Variants in ITGA4 observed in about 807,000 individuals in gnomAD.
ITGA4 encodes integrin alpha-4.
In ITGA4, 63 loss-of-function variants were observed where a neutral mutation model predicts 133.6. That is an observed-to-expected ratio of 0.47 (90% confidence interval 0.38 to 0.58). The LOEUF (loss-of-function observed/expected upper bound fraction) is 0.58, where lower values mean the gene tolerates loss of function less well. Among genes scored for constraint, ITGA4 ranks in the 20% least tolerant of loss-of-function variants. ITGA4 has a pLI of 0.00. For synonymous variants in ITGA4, 483 were observed against 438.0 expected, an observed-to-expected ratio of 1.10 and a Z score of -1.28; for missense variants, 1,076 against 1,252.7, an observed-to-expected ratio of 0.86 and a Z score of 2.13.
chr2:181,535,344 T>C lies in ITGA4; in HGVS notation c.3004-88T>C, dbSNP rs931161672. On this transcript the variant is annotated intron_variant, in intron 27 of 27. Coordinates refer to ENST00000397033, the MANE Select transcript of ITGA4 (RefSeq NM_000885.6). The stretch of plus-strand genomic sequence containing the variant: ...AGGGATGCAGTTTAAGAAATATTGG[T>C]GTTAACTGCTTAGATATTAGAAATG... 1.4e-5 allele frequency: 14 copies of C among 975,508 alleles called. No homozygotes were observed. In the Admixed American group the frequency reaches 2.5e-4, roughly 18 times the overall value. 60.4% of individuals were successfully genotyped at this position (975,508 alleles called of 1,614,324 possible).
intron 1 of ITGA4, 98 bp downstream of exon 1, chr2:181,457,949 A>G (rs1685167975): frequency 1.1e-5 from 13 of 1,233,902 alleles, no homozygotes; most frequent in Non-Finnish European, 4.5e-6. Flanking sequence ...CCTCCCTCCC[A>G]AGGAGGCAGG....
chr2:181,460,568 TG>T (rs1685250687), intron 2 of ITGA4, among the ~76,000 whole-genome samples: 1 of 60,870 alleles, frequency 1.6e-5, no homozygotes, highest in African/African-American at 4.9e-5. Flanking sequence ...TGTAGAAGAG[TG>T]TGTGTGTGTG....
intron 14 of ITGA4, among the ~76,000 whole-genome samples, chr2:181,496,649 T>C (rs946407098): frequency 1.3e-5 from 2 of 152,232 alleles, no homozygotes; most frequent in African/African-American, 4.8e-5. Context: ...CCAAATCATG[T>C]ATATATGACT....
chr2:181,526,861 T>C (rs1686842708), intron 21 of ITGA4, among the ~76,000 whole-genome samples: 1 of 129,632 alleles, frequency 7.7e-6, no homozygotes, highest in African/African-American at 2.8e-5. Flanking sequence ...TTTAAGAGTC[T>C]CGCTCTATTG....
chr2:181,522,170 A>G (rs1386363461), intron 17 of ITGA4, 21 bp from the exon 18 acceptor site: 5 of 1,477,154 alleles, frequency 3.4e-6, no homozygotes, highest in Non-Finnish European at 4.7e-6. Flanking sequence ...CAAGAACTAA[A>G]TAATATTACT....
chr2:181,508,558 T>C, intron 15 of ITGA4, among the ~76,000 whole-genome samples: 1 of 151,916 alleles, frequency 6.6e-6, no homozygotes, highest in Non-Finnish European at 1.5e-5. Flanking sequence ...TAGCTGGATG[T>C]GGTTGTGCAT....
At chr2:181,508,154 T>G (rs538394719) in intron 15 of ITGA4, among the ~76,000 whole-genome samples, 1 of 152,054 alleles carries the variant, frequency 6.6e-6, no homozygotes, top group African/African-American at 2.4e-5. Flanking sequence ...CAATCAGTTG[T>G]AATAAACTCG....
intron 14 of ITGA4, among the ~76,000 whole-genome samples, chr2:181,496,476 C>T (rs1686161455): frequency 6.6e-6 from 1 of 152,050 alleles, no homozygotes; most frequent in African/African-American, 2.4e-5. Context: ...AGAAGCTAGA[C>T]TTGATTCTGA....
chr2:181,493,564 G>T (rs1239752357), intron 11 of ITGA4, 145 bp downstream of exon 11: 5 of 518,670 alleles, frequency 9.6e-6, no homozygotes, highest in African/African-American at 2.0e-5. Context: ...AGTGGCAAAT[G>T]ATCTTATTTT....
In ITGA4 at chr2:181,534,802, C is replaced by A. The variant is rs764688675; in HGVS notation, c.2884-14C>A. The A allele has an allele frequency of 1.3e-6, 2 of 1,528,002 alleles. No individual in the cohort carries two copies. Among genetic ancestry groups the A allele is most frequent in the Non-Finnish European group, 1.7e-6 (2 of 1,144,328 alleles). The allele number at this position is 1,528,002 out of a possible 1,614,324, so 94.7% of individuals were successfully genotyped here. A position where few individuals can be genotyped will look rare whatever the true frequency, so the allele number is the denominator to read the frequency against. Reference sequence around the variant, plus strand: ...TTTTTGGTTTTTGAGTTTTATTTTTCTTAACTCACGTAGGTTCTACTGGAA... The same window carrying A: ...TTTTTGGTTTTTGAGTTTTATTTTTATTAACTCACGTAGGTTCTACTGGAA... On this transcript the variant is annotated splice_polypyrimidine_tract_variant and intron_variant, in intron 26 of 27. Transcript: ENST00000397033.
intron 2 of ITGA4, among the ~76,000 whole-genome samples, chr2:181,465,639 T>A (rs1271320598): frequency 6.6e-6 from 1 of 152,188 alleles, no homozygotes; most frequent in African/African-American, 2.4e-5. Context: ...GTTCAGAATT[T>A]TCTTTCCTTA....
At chr2:181,509,565 T>C (rs1686462369) in intron 15 of ITGA4, 93 bp from the exon 16 acceptor site, 1 of 844,696 alleles carries the variant, frequency 1.2e-6, no homozygotes, top group Non-Finnish European at 1.8e-6. Context: ...GTCTTCCATG[T>C]ATAGTGTTTG....
Position 181,480,130 on chromosome 2 carries a change from C to G in ITGA4, c.625-7C>G. ...TTTAAATAATAATAGTTTTTTTTTTCTTACAGGATTTAATTGTGATGGGGG... is the reference window on the plus strand; with the variant it reads ...TTTAAATAATAATAGTTTTTTTTTTGTTACAGGATTTAATTGTGATGGGGG... On this transcript the variant is annotated splice_region_variant and splice_polypyrimidine_tract_variant and intron_variant, in intron 5 of 27. Coordinates refer to ENST00000397033, the MANE Select transcript of ITGA4 (RefSeq NM_000885.6). The G allele has an allele frequency of 7.0e-7, 1 of 1,436,980 alleles. No individual in the cohort carries two copies. The highest frequency in any genetic ancestry group is 1.6e-5 in the African/African-American group (1 of 63,290). 89.0% of individuals were successfully genotyped at this position (1,436,980 alleles called of 1,614,324 possible).
chr2:181,495,499 G>A lies in ITGA4; in HGVS notation c.1385+83G>A, dbSNP rs893636873. The A allele has an allele frequency of 3.0e-6, 3 of 993,838 alleles. No individual in the cohort carries two copies. The highest frequency in any genetic ancestry group is 4.8e-5 in the East Asian group (2 of 41,866). The allele number at this position is 993,838 out of a possible 1,614,324, so 61.6% of individuals were successfully genotyped here. ...GAGGTGGTGTTTAAAATCAGCAGTG[G>A]TAGTGACCTCATGATGCTCTTTTGG... On this transcript the variant is annotated intron_variant, in intron 13 of 27. Transcript: ENST00000397033. This position sits in a 1 kb window ranked among gnomAD's most constrained non-coding sequence, Gnocchi z 4.3.
At chr2:181,479,129 A>G (rs1318147806) in intron 5 of ITGA4, 1 of 196,832 alleles carries the variant, frequency 5.1e-6, no homozygotes, top group African/African-American at 2.3e-5. Flanking sequence ...TAACTTAGGT[A>G]TTGAAAATAT....
Position 181,478,773 on chromosome 2 carries a change from T to C in ITGA4, c.573T>C (p.Phe191=). Residue 191 remains phenylalanine, a synonymous_variant, in exon 5 of 28, where the codon TTT becomes TTC. Coordinates refer to ENST00000397033, the MANE Select transcript of ITGA4 (RefSeq NM_000885.6). ...APCYQDYVKK[F]GENFASCQAG... is the part of the protein sequence containing the mutation. ...TCATTTTAGATTATGTGAAAAAATT[T>C]GGAGAAAATTTTGCATCATGTCAAG... 1 of 1,469,998 alleles carries C rather than the reference T, an allele frequency of 6.8e-7. No individual in the cohort carries two copies. Among genetic ancestry groups the C allele is most frequent in the Non-Finnish European group, 9.2e-7 (1 of 1,088,190 alleles). 91.1% of individuals were successfully genotyped at this position (1,469,998 alleles called of 1,614,324 possible). A position where few individuals can be genotyped will look rare whatever the true frequency, so the allele number is the denominator to read the frequency against.
In ITGA4 at chr2:181,493,364, G is replaced by A; in HGVS notation, c.1193G>A (p.Gly398Asp). 6.2e-7 allele frequency: 1 copy of A among 1,612,814 alleles called. No individual in the cohort carries two copies. The highest frequency in any genetic ancestry group is 8.5e-7 in the Non-Finnish European group (1 of 1,179,126). The change falls in exon 11 of 28, where the codon GGT (glycine) becomes GAT (aspartate). Residue 398 changes from glycine to aspartate, a missense_variant. Physicochemically the swap from Gly to Asp is moderately conservative, Grantham distance 94. This residue lies in a region of ITGA4 where 436 missense variants were observed against 590.7 expected (regional missense o/e 0.74). Coordinates refer to ENST00000397033, the MANE Select transcript of ITGA4 (RefSeq NM_000885.6). ...GCTCCACAAGAAGATGACTTGCAAG[G>A]TGCTATTTATATTTACAATGGCCGT... is the stretch of plus-strand genomic sequence containing the variant. ...IGAPQEDDLQ[G>D]AIYIYNGRAD... is the part of the protein sequence containing the mutation.
intron 10 of ITGA4, among the ~76,000 whole-genome samples, chr2:181,488,715 C>CA (rs1352399773): frequency 1.3e-5 from 2 of 151,702 alleles, no homozygotes; most frequent in African/African-American, 2.4e-5. Context: ...CCCGCCACCA[C>CA]CCCAGCTAAT....
intron 2 of ITGA4, among the ~76,000 whole-genome samples, chr2:181,468,912 A>G (rs546613663): frequency 6.6e-6 from 1 of 152,316 alleles, no homozygotes; most frequent in African/African-American, 2.4e-5. Flanking sequence ...AAGCAGGGAA[A>G]ATTATCACCA....
Sources: gnomAD v4.1 joint callset for allele counts (sites outside exome capture counted in the v4.1 genomes callset) on GRCh38, gnomAD v4.1.1 for gene constraint, gnomAD v4.1.1 regional missense constraint, Gnocchi (gnomAD v3.1) non-coding constraint, MANE v1.5 for transcripts, NCBI Gene and HGNC (gene_info 2026-07-23, HGNC 2026-07-21) for gene names.